Variants in LEF1 observed in about 807,000 individuals in gnomAD.
LEF1 encodes lymphoid enhancer binding factor 1, also known as lymphoid enhancer-binding factor 1.
A neutral mutation model predicts 51.2 loss-of-function variants in LEF1; 14 were observed. That is an observed-to-expected ratio of 0.27 (90% confidence interval 0.18 to 0.43). The LOEUF is 0.43. Ranked by LOEUF, LEF1 falls within the 20% of genes least tolerant of loss-of-function variation. The pLI is 1.00. For missense variants in LEF1, 386 were observed against 512.0 expected, an observed-to-expected ratio of 0.75 and a Z score of 2.37; for synonymous variants, 185 against 183.2, an observed-to-expected ratio of 1.01 and a Z score of -0.08.
chr4:108,111,829 C>T (rs2110316021), intron 3 of LEF1, among the ~76,000 whole-genome samples: 1 of 152,322 alleles, frequency 6.6e-6, no homozygotes, highest in East Asian at 1.9e-4. Flanking sequence ...TGGGCGATCA[C>T]CTAAGCTTGG....
chr4:108,096,955 G>T (rs541402985), intron 3 of LEF1, among the ~76,000 whole-genome samples: 9 of 151,958 alleles, frequency 5.9e-5, no homozygotes, highest in Non-Finnish European at 1.3e-4. Context: ...TGGTGGCGTG[G>T]GTATAAAGAA....
intron 3 of LEF1, among the ~76,000 whole-genome samples, chr4:108,102,610 C>T (rs971804417): frequency 1.3e-5 from 2 of 152,150 alleles, no homozygotes; most frequent in Non-Finnish European, 2.9e-5. Flanking sequence ...TGCAAAGACT[C>T]CAGCTGATAC....
intron 8 of LEF1, among the ~76,000 whole-genome samples, chr4:108,076,826 A>T (rs551461310): frequency 6.6e-6 from 1 of 152,076 alleles, no homozygotes; most frequent in South Asian, 2.1e-4. Flanking sequence ...TTCAAGATCA[A>T]CCTGGCCAAC....
chr4:108,080,988 C>T (rs556241241), intron 6 of LEF1, among the ~76,000 whole-genome samples: 7 of 150,868 alleles, frequency 4.6e-5, no homozygotes, highest in East Asian at 2.0e-4. Context: ...CTCGGTGCGG[C>T]GCGGCAGGCC....
intron 3 of LEF1, among the ~76,000 whole-genome samples, chr4:108,126,869 A>ATG (rs34301406): frequency 0.11 from 15,974 of 146,428 alleles, 868 homozygotes; most frequent in African/African-American, 0.14. Context: ...ATTTACTGAT[A>ATG]TGTGTGTGTG....
intron 3 of LEF1, among the ~76,000 whole-genome samples, chr4:108,136,295 T>G (rs1743260227): frequency 1.3e-5 from 2 of 152,332 alleles, no homozygotes; most frequent in South Asian, 2.1e-4. Flanking sequence ...TTCTTAACCA[T>G]TTCTGCTTTG....
chr4:108,150,752 A>G (rs1040742264), intron 3 of LEF1, among the ~76,000 whole-genome samples: 1 of 152,156 alleles, frequency 6.6e-6, no homozygotes, highest in Non-Finnish European at 1.5e-5. Context: ...TCTGTGCCTC[A>G]GTTTCTTCAC....
At chr4:108,083,584 T>G in intron 4 of LEF1, 138 bp from the exon 5 acceptor site, 1 of 552,372 alleles carries the variant, frequency 1.8e-6, no homozygotes, top group Non-Finnish European at 3.1e-6. Context: ...GGAACAGGAG[T>G]CCATTTGTTA....
At position 108,166,339 on chromosome 4, in the gene LEF1, T is replaced by C. The variant is rs1477982207; in HGVS notation, c.214-1176A>G. On this transcript the variant is annotated intron_variant, in intron 1 of 11. Transcript: ENST00000265165. ...AACGCGCTGTTTAAAACCCAAAATG[T>C]CCCCGCCCTCAAAACCACACACTTT... 2.6e-6 allele frequency: 4 copies of C among 1,519,746 alleles called. No homozygotes were observed. In the African/African-American group the frequency reaches 4.2e-5, roughly 16 times the overall value. The allele number at this position is 1,519,746 out of a possible 1,614,324, so 94.1% of individuals were successfully genotyped here.
chr4:108,102,174 G>A (rs969005920), intron 3 of LEF1, among the ~76,000 whole-genome samples: 5 of 152,032 alleles, frequency 3.3e-5, no homozygotes, highest in African/African-American at 9.7e-5. Context: ...TAATGGCAAC[G>A]TGCACTGGGA....
intron 4 of LEF1, among the ~76,000 whole-genome samples, chr4:108,084,488 A>G (rs1739514824): frequency 6.6e-6 from 1 of 152,246 alleles, no homozygotes; most frequent in Admixed American, 6.5e-5. Context: ...TTTACTATTT[A>G]AAGTGCCTAG....
intron 3 of LEF1, among the ~76,000 whole-genome samples, chr4:108,094,568 G>T (rs1331496131): frequency 8.5e-5 from 13 of 152,234 alleles, no homozygotes. Context: ...CTCCCTACTG[G>T]CTAAGGCCTG....
At chr4:108,117,714 G>A (rs990461360) in intron 3 of LEF1, among the ~76,000 whole-genome samples, 5 of 152,176 alleles carry the variant, frequency 3.3e-5, no homozygotes, top group African/African-American at 9.7e-5. Context: ...AGCTTTGCGG[G>A]GAGGGGGAGG....
At chr4:108,129,369 A>G (rs1002718516) in intron 3 of LEF1, among the ~76,000 whole-genome samples, 2 of 152,218 alleles carry the variant, frequency 1.3e-5, no homozygotes, top group African/African-American at 2.4e-5. Context: ...TTCCAAGAGC[A>G]CTGGAATTCC....
intron 3 of LEF1, among the ~76,000 whole-genome samples, chr4:108,132,905 A>G (rs1742993703): frequency 6.6e-6 from 1 of 151,970 alleles, no homozygotes; most frequent in African/African-American, 2.4e-5. Flanking sequence ...CCCTGGGTTC[A>G]AGCAATCTGC....
In LEF1 at chr4:108,048,625, T is replaced by G; in HGVS notation, c.*133A>C. On this transcript the variant is annotated 3_prime_UTR_variant, in exon 12 of 12. Coordinates refer to ENST00000265165, the MANE Select transcript of LEF1 (RefSeq NM_016269.5). ...GACCTCAGGGTAAAATTGATGTCAGTGTTCCTTTGGGGTCGACTGGGCAGG... is the reference window on the plus strand; with the variant it reads ...GACCTCAGGGTAAAATTGATGTCAGGGTTCCTTTGGGGTCGACTGGGCAGG... 1 of 1,278,414 alleles carries G rather than the reference T, an allele frequency of 7.8e-7. No individual in the cohort carries two copies. Among genetic ancestry groups the G allele is most frequent in the East Asian group, 2.4e-5 (1 of 41,114 alleles). 79.2% of individuals were successfully genotyped at this position (1,278,414 alleles called of 1,614,324 possible). A position where few individuals can be genotyped will look rare whatever the true frequency, so the allele number is the denominator to read the frequency against.
At chr4:108,135,383 A>C (rs773411776) in intron 3 of LEF1, among the ~76,000 whole-genome samples, 4 of 152,216 alleles carry the variant, frequency 2.6e-5, no homozygotes, top group Non-Finnish European at 5.9e-5. Context: ...ACGGAGAATT[A>C]AGACTGTTTA....
intron 6 of LEF1, 28 bp downstream of exon 6, chr4:108,081,558 G>A (rs202011697): frequency 8.2e-6 from 13 of 1,584,144 alleles, no homozygotes; most frequent in Admixed American, 6.7e-5. Flanking sequence ...ACTTGTCCTC[G>A]AGCGCCCCAG....
rs370610073 is a variant in LEF1 at position 108,063,625 on chromosome 4, T to C, written c.*4A>G. 3 of 1,576,368 alleles carry C rather than the reference T, an allele frequency of 1.9e-6. No individual in the cohort carries two copies. Among genetic ancestry groups the C allele is most frequent in the South Asian group, 1.2e-5 (1 of 86,070 alleles). On this transcript the variant is annotated splice_region_variant and 3_prime_UTR_variant, in exon 11 of 12. Coordinates refer to ENST00000265165, the MANE Select transcript of LEF1 (RefSeq NM_016269.5). Reference sequence around the variant, plus strand: ...TAGGACCAGAGAGTCGTTCTTACCATGTTTCAGATGTAGGCAGCTGTCATT... The same window carrying C: ...TAGGACCAGAGAGTCGTTCTTACCACGTTTCAGATGTAGGCAGCTGTCATT...
Sources: gnomAD v4.1 joint callset for allele counts (sites outside exome capture counted in the v4.1 genomes callset) on GRCh38, gnomAD v4.1.1 for gene constraint, MANE v1.5 for transcripts, NCBI Gene and HGNC (gene_info 2026-07-23, HGNC 2026-07-21) for gene names.